Variants in ACBD6 observed in about 807,000 individuals in gnomAD.
ACBD6 encodes acyl-CoA-binding domain-containing protein 6.
A neutral mutation model predicts 37.2 loss-of-function variants in ACBD6; 28 were observed. The observed-to-expected ratio is 0.75, with a 90% confidence interval of 0.56 to 1.03. The LOEUF (loss-of-function observed/expected upper bound fraction) is 1.03. Ranked by LOEUF, ACBD6 falls within the 50% of genes least tolerant of loss-of-function variation. The probability of loss-of-function intolerance (pLI) is 0.00; values close to 1 mark genes in which losing one functional copy is unlikely to be tolerated. For synonymous variants in ACBD6, 113 were observed against 126.8 expected (o/e 0.89, Z 0.73); for missense variants, 340 against 337.4 (o/e 1.01, Z -0.06).
At chr1:180,406,834 A>G (rs1418290738) in intron 5 of ACBD6, among the ~76,000 whole-genome samples, 1 of 152,200 alleles carries the variant, frequency 6.6e-6, no homozygotes, top group African/African-American at 2.4e-5. Context: ...TCAATTTCAA[A>G]TATCAGATAA....
At chr1:180,389,851 T>G (rs1017863954) in intron 6 of ACBD6, among the ~76,000 whole-genome samples, 2 of 152,188 alleles carry the variant, frequency 1.3e-5, no homozygotes, top group Admixed American at 6.5e-5. Flanking sequence ...ATGGGGTTGT[T>G]TGTTTTTTTC....
chr1:180,476,971 A>G (rs1273991763), intron 3 of ACBD6, among the ~76,000 whole-genome samples: 1 of 152,214 alleles, frequency 6.6e-6, no homozygotes, highest in Admixed American at 6.5e-5. Context: ...AGCTAACCAA[A>G]ACATTACACA....
chr1:180,415,593 A>C lies in ACBD6; in HGVS notation c.468-2122T>G, dbSNP rs546264955. ...AAAGTCATAGCAATACTACAGTGCT[A>C]CTCGCCAATTGTTTCTGAATTGGAA... On this transcript the variant is annotated intron_variant, in intron 4 of 7. Transcript: ENST00000367595. Among the ~76,000 whole-genome samples, 77 of 152,302 alleles carry C rather than the reference A, an allele frequency of 5.1e-4. 2 individuals carry two copies. In the South Asian group the frequency reaches 0.015, roughly 30 times the overall value.
intron 6 of ACBD6, among the ~76,000 whole-genome samples, chr1:180,391,680 T>C (rs1017156144): frequency 2.0e-5 from 3 of 152,072 alleles, no homozygotes; most frequent in Admixed American, 2.0e-4. Flanking sequence ...GTGGAGAAAC[T>C]AGAACTCTCA....
rs74132809 is a variant in ACBD6, at chr1:180,401,898, C to T, written c.574-4293G>A. Among the ~76,000 whole-genome samples the T allele has an allele frequency of 6.7e-3, 1,011 of 151,648 alleles. 17 individuals are homozygous for T. The highest frequency in any genetic ancestry group is 0.023 in the African/African-American group (965 of 41,312). On this transcript the variant is annotated intron_variant, in intron 5 of 7. Transcript: ENST00000367595. ...ATATTTTGAGATCAAATACAAAGTACATATACCATACGTATAACAGATAAA... is the reference window on the plus strand; with the variant it reads ...ATATTTTGAGATCAAATACAAAGTATATATACCATACGTATAACAGATAAA...
intron 3 of ACBD6, among the ~76,000 whole-genome samples, chr1:180,483,376 A>C (rs1468524548): frequency 6.6e-6 from 1 of 152,112 alleles, no homozygotes; most frequent in Non-Finnish European, 1.5e-5. Context: ...CCACAGTGCT[A>C]ATCACTTTCT....
chr1:180,497,748 T>G (rs1050235479), intron 1 of ACBD6, among the ~76,000 whole-genome samples: 25 of 152,234 alleles, frequency 1.6e-4, no homozygotes, highest in African/African-American at 5.8e-4. Flanking sequence ...TAGAAGCCAG[T>G]TGCATTTGCA....
At chr1:180,459,031 G>A (rs932000328) in intron 3 of ACBD6, among the ~76,000 whole-genome samples, 3 of 152,164 alleles carry the variant, frequency 2.0e-5, no homozygotes, top group African/African-American at 7.2e-5. Context: ...TCTAATAAAA[G>A]TAATGATATT....
chr1:180,400,769 AG>A (rs1199246015), intron 5 of ACBD6, among the ~76,000 whole-genome samples: 2 of 152,206 alleles, frequency 1.3e-5, no homozygotes, highest in African/African-American at 4.8e-5. Context: ...TGATAAAATC[AG>A]GAAATAAACA....
intron 4 of ACBD6, among the ~76,000 whole-genome samples, chr1:180,420,572 T>A (rs970880620): frequency 6.6e-6 from 1 of 152,178 alleles, no homozygotes; most frequent in South Asian, 2.1e-4. Context: ...TAGATTGCAG[T>A]AGATGCCTTC....
intron 6 of ACBD6, among the ~76,000 whole-genome samples, chr1:180,384,167 T>C (rs562777940): frequency 2.0e-5 from 3 of 147,580 alleles, no homozygotes; most frequent in African/African-American, 7.4e-5. Context: ...TAAATGAGAC[T>C]ATATTAAACT....
chr1:180,399,262 T>TA (rs1553302705), intron 5 of ACBD6, among the ~76,000 whole-genome samples: 4 of 151,962 alleles, frequency 2.6e-5, no homozygotes, highest in African/African-American at 9.7e-5. Context: ...AGGAGTTATT[T>TA]TTTATTTATT....
Position 180,347,287 on chromosome 1 carries a change from G to A in ACBD6, c.664-32565C>T, listed in dbSNP as rs112081687. On this transcript the variant is annotated intron_variant, in intron 6 of 7. Transcript: ENST00000367595. ...ACAATAAAACTGTTTGCTTCTATAC[G>A]GCTACACATTTTAGAAGTAGGAAGA... 4.1e-3 allele frequency among the ~76,000 whole-genome samples: 616 copies of A among 151,444 alleles called. 4 individuals are homozygous for A. The highest frequency in any genetic ancestry group is 0.014 in the African/African-American group (578 of 41,282).
At chr1:180,383,600 G>A (rs1653740038) in intron 6 of ACBD6, among the ~76,000 whole-genome samples, 1 of 152,124 alleles carries the variant, frequency 6.6e-6, no homozygotes, top group Non-Finnish European at 1.5e-5. Context: ...ACTGCCCAAA[G>A]TAATCTACAG....
intron 6 of ACBD6, among the ~76,000 whole-genome samples, chr1:180,330,253 A>C (rs1291151827): frequency 6.8e-6 from 1 of 146,076 alleles, no homozygotes; most frequent in Non-Finnish European, 1.5e-5. Flanking sequence ...ACTCTATAAG[A>C]ATTTTTTTTT....
intron 3 of ACBD6, among the ~76,000 whole-genome samples, chr1:180,445,601 T>C (rs1649442627): frequency 6.6e-6 from 1 of 152,140 alleles, no homozygotes; most frequent in Non-Finnish European, 1.5e-5. Flanking sequence ...TCATACAGAT[T>C]TCAAAAATAT....
intron 7 of ACBD6, among the ~76,000 whole-genome samples, chr1:180,298,278 C>G (rs956126226): frequency 1.3e-5 from 2 of 152,190 alleles, no homozygotes; most frequent in African/African-American, 4.8e-5. Flanking sequence ...GTAAGAAACA[C>G]TTAGGCTTTA....
At chr1:180,466,250 T>C (rs1337105429) in intron 3 of ACBD6, among the ~76,000 whole-genome samples, 2 of 152,200 alleles carry the variant, frequency 1.3e-5, no homozygotes, top group Admixed American at 1.3e-4. Context: ...ACTCAAAATA[T>C]AAAATTAAAG....
At chr1:180,358,388 T>C (rs1046289796) in intron 6 of ACBD6, among the ~76,000 whole-genome samples, 23 of 151,988 alleles carry the variant, frequency 1.5e-4, no homozygotes, top group African/African-American at 4.8e-4. Context: ...GATTGTGCCA[T>C]TGCACTTCAG....
Sources: gnomAD v4.1 joint callset for allele counts (sites outside exome capture counted in the v4.1 genomes callset) on GRCh38, gnomAD v4.1.1 for gene constraint, MANE v1.5 for transcripts, NCBI Gene and HGNC (gene_info 2026-07-23, HGNC 2026-07-21) for gene names.